Variants in SERINC5 observed in about 807,000 individuals in gnomAD.
SERINC5 encodes chromosome 5 open reading frame 12.
Under a neutral mutation model 63.1 loss-of-function variants are expected in SERINC5, and 41 were observed. The observed-to-expected ratio is 0.65, with a 90% CI of 0.51 to 0.84. SERINC5 has a LOEUF of 0.84. Ranked by LOEUF, SERINC5 falls within the 40% of genes least tolerant of loss-of-function variation. The pLI is 0.00. For synonymous variants in SERINC5, 222 were observed against 215.2 expected (o/e 1.03, Z -0.28); for missense variants, 523 against 573.0 (o/e 0.91, Z 0.89).
chr5:80,116,982 C>A (rs1295418278), intron 11 of SERINC5, among the ~76,000 whole-genome samples: 1 of 151,986 alleles, frequency 6.6e-6, no homozygotes, highest in East Asian at 1.9e-4. Context: ...GCGAGTGCCA[C>A]CAGGCCCATC....
intron 1 of SERINC5, among the ~76,000 whole-genome samples, chr5:80,209,726 A>G (rs1043128067): frequency 1.2e-4 from 19 of 152,148 alleles, no homozygotes; most frequent in Non-Finnish European, 2.4e-4. Context: ...TACAGTTAAA[A>G]AATGAAGAAA....
intron 2 of SERINC5, among the ~76,000 whole-genome samples, chr5:80,199,656 TG>T (rs1430184555): frequency 2.0e-5 from 3 of 152,232 alleles, no homozygotes; most frequent in African/African-American, 7.2e-5. Flanking sequence ...CACATACCAA[TG>T]GCTCCCAAAT....
chr5:80,177,294 C>A, intron 4 of SERINC5, 21 bp downstream of exon 4: 2 of 1,562,860 alleles, frequency 1.3e-6, no homozygotes, highest in Non-Finnish European at 8.8e-7. Flanking sequence ...TAAACAGATA[C>A]CCAAAATACC....
chr5:80,238,404 ATAACT>A (rs1188281955), intron 1 of SERINC5, among the ~76,000 whole-genome samples: 4 of 152,208 alleles, frequency 2.6e-5, no homozygotes, highest in African/African-American at 7.2e-5. Context: ...TTTCTGGAAA[ATAACT>A]TAAACAACTG....
intron 1 of SERINC5, among the ~76,000 whole-genome samples, chr5:80,213,114 T>C (rs1286042378): frequency 6.6e-6 from 1 of 151,824 alleles, no homozygotes; most frequent in Non-Finnish European, 1.5e-5. Flanking sequence ...GATGTGGTGG[T>C]GGGTGCTTGT....
chr5:80,202,794 G>A (rs1580162147), intron 2 of SERINC5, 92 bp downstream of exon 2: 1 of 1,289,180 alleles, frequency 7.8e-7, no homozygotes. Flanking sequence ...AAACACATGG[G>A]GGTACATGGA....
At chr5:80,205,819 G>A (rs1750125239) in intron 1 of SERINC5, among the ~76,000 whole-genome samples, 1 of 151,990 alleles carries the variant, frequency 6.6e-6, no homozygotes, top group Admixed American at 6.6e-5. Context: ...TGTAATCCCA[G>A]CACTTTAGGA....
At position 80,143,455 on chromosome 5, in the gene SERINC5, GA is replaced by G; in HGVS notation, c.*207del. 1 of 1,325,448 alleles carries G rather than the reference GA, an allele frequency of 7.5e-7. No individual in the cohort carries two copies. Among genetic ancestry groups the G allele is most frequent in the Non-Finnish European group, 9.6e-7 (1 of 1,039,840 alleles). The allele number at this position is 1,325,448 out of a possible 1,614,324, so 82.1% of individuals were successfully genotyped here. ...TATTTCAACCATGATCAGTTTGGTT[GA>G]AAATTTCAATTCCTTTGGGACAAAC... On this transcript the variant is annotated 3_prime_UTR_variant, in exon 12 of 12. Coordinates refer to ENST00000507668, the MANE Select transcript of SERINC5 (RefSeq NM_001174072.3).
chr5:80,142,399 AT>A lies in SERINC5; in HGVS notation c.*1263del. On this transcript the variant is annotated 3_prime_UTR_variant, in exon 12 of 12. Transcript: ENST00000507668. ...AGGCACACGCTACCATGCCCGGCTA[AT>A]TTTTCTATTTTTAATAGAGACAGGG... 1.1e-6 allele frequency: 1 copy of A among 882,624 alleles called. No individual in the cohort carries two copies. Among genetic ancestry groups the A allele is most frequent in the Non-Finnish European group, 1.4e-6 (1 of 736,316 alleles). The allele number at this position is 882,624 out of a possible 1,614,324, so 54.7% of individuals were successfully genotyped here.
intron 2 of SERINC5, among the ~76,000 whole-genome samples, chr5:80,197,958 A>C (rs1437856871): frequency 2.0e-5 from 3 of 151,802 alleles, no homozygotes; most frequent in African/African-American, 7.3e-5. Flanking sequence ...TCCTGCCTCA[A>C]CCTCCTGAGT....
downstream of SERINC5, among the ~76,000 whole-genome samples, chr5:80,111,452 A>G (rs1744105075): frequency 6.6e-6 from 1 of 152,256 alleles, no homozygotes; most frequent in Admixed American, 6.5e-5. Context: ...TAAATCCATC[A>G]CAAGGTGATA....
intron 7 of SERINC5, among the ~76,000 whole-genome samples, chr5:80,160,386 C>T (rs1376590790): frequency 2.0e-5 from 3 of 152,200 alleles, no homozygotes; most frequent in Non-Finnish European, 4.4e-5. Context: ...ATTTGGAACA[C>T]CCAACCTAGG....
intron 1 of SERINC5, among the ~76,000 whole-genome samples, chr5:80,233,805 C>CCTTTT (rs1554071351): frequency 2.4e-4 from 17 of 69,936 alleles, no homozygotes; most frequent in Admixed American, 5.8e-4. Flanking sequence ...TCAACTTTTA[C>CCTTTT]TTTTTTTTTT....
At chr5:80,183,839 T>G (rs928588259) in intron 2 of SERINC5, among the ~76,000 whole-genome samples, 1 of 152,128 alleles carries the variant, frequency 6.6e-6, no homozygotes, top group Admixed American at 6.6e-5. Flanking sequence ...CCAGGTGAAA[T>G]AAACAGCCAT....
intron 1 of SERINC5, among the ~76,000 whole-genome samples, chr5:80,221,498 C>T (rs575057646): frequency 3.3e-4 from 50 of 151,920 alleles, no homozygotes; most frequent in Non-Finnish European, 6.6e-4. Context: ...GGAAAAAATG[C>T]TAATGGACAC....
At position 80,218,759 on chromosome 5, in the gene SERINC5, G is replaced by A. The variant is rs143206343; in HGVS notation, c.28-15706C>T. On this transcript the variant is annotated intron_variant, in intron 1 of 11. Coordinates refer to ENST00000507668, the MANE Select transcript of SERINC5 (RefSeq NM_001174072.3). The stretch of plus-strand genomic sequence containing the variant: ...CACCCCCGACTACCTCCCTTCCTGC[G>A]CTTCTGAGAAGCTGACAGCCCCGAC... Among the ~76,000 whole-genome samples the A allele has an allele frequency of 8.2e-3, 1,237 of 151,146 alleles. 15 individuals are homozygous for A. Among genetic ancestry groups the A allele is most frequent in the African/African-American group, 0.029 (1,175 of 41,222 alleles).
intron 11 of SERINC5, among the ~76,000 whole-genome samples, chr5:80,119,935 T>A (rs962649824): frequency 6.6e-6 from 1 of 152,136 alleles, no homozygotes; most frequent in African/African-American, 2.4e-5. Context: ...TAGGAGTCAA[T>A]ATGTAATACT....
downstream of SERINC5, among the ~76,000 whole-genome samples, chr5:80,138,553 G>A (rs760267089): frequency 5.3e-5 from 8 of 151,928 alleles, no homozygotes; most frequent in South Asian, 6.2e-4. Flanking sequence ...CCGAGATCGC[G>A]CCACTGTACC....
intron 1 of SERINC5, among the ~76,000 whole-genome samples, chr5:80,206,698 T>G (rs369560923): frequency 2.0e-5 from 3 of 152,098 alleles, no homozygotes; most frequent in African/African-American, 7.2e-5. Context: ...TCCACTCACA[T>G]GCCCCAATTT....
Sources: allele counts gnomAD v4.1 joint callset (sites outside exome capture counted in the v4.1 genomes callset), GRCh38; gene constraint gnomAD v4.1.1; transcripts MANE v1.5; gene names NCBI Gene and HGNC (gene_info 2026-07-23, HGNC 2026-07-21).